The following LRRC43 variants were observed in gnomAD, a reference collection of about 807,000 sequenced individuals.
The protein encoded by LRRC43 is leucine rich repeat containing 43, also known as leucine-rich repeat-containing protein 43.
LRRC43 carries 62 observed loss-of-function variants against 64.3 expected under a neutral mutation model. That is an observed-to-expected ratio of 0.96 (90% CI 0.79 to 1.19). LRRC43 has a LOEUF of 1.19. LRRC43 is among the 50% of genes most tolerant of loss of function. The probability of loss-of-function intolerance (pLI) is 0.00; values close to 1 mark genes in which losing one functional copy is unlikely to be tolerated. For missense variants in LRRC43, 868 were observed against 845.0 expected (o/e 1.03, Z -0.34); for synonymous variants, 422 against 382.3 (o/e 1.10, Z -1.21).
At position 122,200,527 on chromosome 12, in the gene LRRC43, C is replaced by T. The variant is rs1432196959; in HGVS notation, c.1492-5C>T. 1.2e-6 allele frequency: 2 copies of T among 1,613,940 alleles called. No homozygotes were observed. Among genetic ancestry groups the T allele is most frequent in the African/African-American group, 1.3e-5 (1 of 74,908 alleles). Reference sequence around the variant, plus strand: ...GCTCACTCGAGGATTCTCTCCTGCCCCTAGATTCTCTCCTGGCCTGTGGTG... The same window carrying T: ...GCTCACTCGAGGATTCTCTCCTGCCTCTAGATTCTCTCCTGGCCTGTGGTG... On this transcript the variant is annotated splice_region_variant and splice_polypyrimidine_tract_variant and intron_variant, in intron 8 of 11. Coordinates refer to ENST00000339777, the MANE Select transcript of LRRC43 (RefSeq NM_001098519.2). The surrounding 1 kb of genome is among the most constrained non-coding windows in gnomAD (Gnocchi z 4.6).
At chr12:122,181,469 G>A (rs1953580196), upstream of LRRC43, among the ~76,000 whole-genome samples, 3 of 150,946 alleles carry the variant, frequency 2.0e-5, no homozygotes, top group South Asian at 4.2e-4. Flanking sequence ...CGTGAACCTG[G>A]CAGGCGGAGC....
intron 7 of LRRC43, among the ~76,000 whole-genome samples, 167 bp downstream of exon 7, chr12:122,193,171 G>C (rs975572806): frequency 6.6e-6 from 1 of 151,808 alleles, no homozygotes; most frequent in Non-Finnish European, 1.5e-5. Context: ...ACGAGGTCAG[G>C]AGATCGAGAC....
chr12:122,201,236 C>T, intron 10 of LRRC43, 60 bp from the exon 11 acceptor site: 1 of 1,573,296 alleles, frequency 6.4e-7, no homozygotes, highest in Non-Finnish European at 8.7e-7. Context: ...CCCAGAGACA[C>T]CCCTTCTCTA....
chr12:122,197,740 CAGA>C (rs1953786891), intron 7 of LRRC43, among the ~76,000 whole-genome samples: 2 of 151,970 alleles, frequency 1.3e-5, no homozygotes, highest in Middle Eastern at 3.4e-3. Flanking sequence ...AGTTTTCAAG[CAGA>C]GGAGTAATGA....
At chr12:122,186,382 C>T (rs1417949010) in intron 3 of LRRC43, 82 bp downstream of exon 3, 1 of 865,700 alleles carries the variant, frequency 1.2e-6, no homozygotes, top group East Asian at 2.7e-5. Context: ...CATAGTGTGG[C>T]CAGCATGGGT....
chr12:122,173,791 A>G (rs999230629), intron 1 of LRRC43: 49 of 1,540,054 alleles, frequency 3.2e-5, no homozygotes, highest in Non-Finnish European at 4.3e-5. Flanking sequence ...TTGGAGGGCA[A>G]TGGAAGGCAT....
chr12:122,201,242 C>T, intron 10 of LRRC43, 54 bp from the exon 11 acceptor site: 1 of 1,594,584 alleles, frequency 6.3e-7, no homozygotes, highest in Non-Finnish European at 8.6e-7. Context: ...GACACCCCTT[C>T]TCTAGTACCT....
chr12:122,172,709 C>T, intron 1 of LRRC43: 1 of 1,613,634 alleles, frequency 6.2e-7, no homozygotes, highest in East Asian at 2.2e-5. Flanking sequence ...GCGTGTAATT[C>T]TGGGACACGA....
At chr12:122,183,325 C>T in intron 1 of LRRC43, 31 bp downstream of exon 1, 2 of 1,427,076 alleles carry the variant, frequency 1.4e-6, no homozygotes, top group Non-Finnish European at 1.8e-6. Context: ...ACTCTGGGGG[C>T]CTGGACCGGC....
chr12:122,192,977 T>C lies in LRRC43; in HGVS notation c.1322T>C (p.Ile441Thr). 6.2e-7 allele frequency: 1 copy of C among 1,613,880 alleles called. No homozygotes were observed. The highest frequency in any genetic ancestry group is 1.7e-4 in the Middle Eastern group (1 of 6,026). Residue 441 changes from isoleucine to threonine, a missense_variant, in exon 7 of 12, where the codon ATA (isoleucine) becomes ACA (threonine). Coordinates refer to ENST00000339777, the MANE Select transcript of LRRC43 (RefSeq NM_001098519.2). ...AEELAKLRLRIDPRLCPSPGT... is the reference protein window; with the variant it reads ...AEELAKLRLRTDPRLCPSPGT... ...GAGCTGGCCAAGTTGAGGCTGCGTA[T>C]AGATCCCCGGCTCTGCCCGTCCCCA... is the stretch of plus-strand genomic sequence containing the variant.
At chr12:122,174,988 T>C (rs1328516094) in intron 1 of LRRC43, among the ~76,000 whole-genome samples, 2 of 151,310 alleles carry the variant, frequency 1.3e-5, no homozygotes, top group Non-Finnish European at 3.0e-5. Context: ...TACAGGCACG[T>C]GCCACCATGC....
chr12:122,183,128 G>A lies in LRRC43; in HGVS notation c.-17G>A. ...GCGCACGCGTCCTAGCGGTTGCCGGGCAACGCGGCCCGGGCCATGGAGGCG... is the reference window on the plus strand; with the variant it reads ...GCGCACGCGTCCTAGCGGTTGCCGGACAACGCGGCCCGGGCCATGGAGGCG... On this transcript the variant is annotated 5_prime_UTR_variant, in exon 1 of 12. Transcript: ENST00000339777. 6.5e-7 allele frequency: 1 copy of A among 1,532,494 alleles called. No individual in the cohort carries two copies. Among genetic ancestry groups the A allele is most frequent in the Non-Finnish European group, 8.7e-7 (1 of 1,145,320 alleles). 94.9% of individuals were successfully genotyped at this position (1,532,494 alleles called of 1,614,324 possible). A position where few individuals can be genotyped will look rare whatever the true frequency, so the allele number is the denominator to read the frequency against.
intron 4 of LRRC43, among the ~76,000 whole-genome samples, chr12:122,189,165 C>T (rs1382392749): frequency 6.6e-6 from 1 of 152,142 alleles, no homozygotes; most frequent in Non-Finnish European, 1.5e-5. Context: ...CAGAAAAAGC[C>T]ATCAAAGGAA....
At chr12:122,193,118 C>A (rs554798961) in intron 7 of LRRC43, 114 bp downstream of exon 7, 2 of 1,109,076 alleles carry the variant, frequency 1.8e-6, no homozygotes, top group Admixed American at 5.1e-5. Context: ...CGGTGGCTCA[C>A]GTCTGTAATC....
chr12:122,178,566 C>G (rs1953556231), upstream of LRRC43, among the ~76,000 whole-genome samples: 1 of 143,210 alleles, frequency 7.0e-6, no homozygotes. Flanking sequence ...AGGAAAAATA[C>G]GTAAGAGGTG....
chr12:122,178,944 G>A (rs1017854940), upstream of LRRC43, among the ~76,000 whole-genome samples: 1 of 152,016 alleles, frequency 6.6e-6, no homozygotes, highest in Non-Finnish European at 1.5e-5. Context: ...TGGTGGAGAG[G>A]GAAGAGTTGA....
chr12:122,184,095 AT>A lies in LRRC43; in HGVS notation c.151-407del, dbSNP rs35033444. Among the ~76,000 whole-genome samples, 69,732 of 137,528 alleles carry A rather than the reference AT, an allele frequency of 0.51. 17,484 individuals carry two copies. The highest frequency in any genetic ancestry group is 0.66 in the East Asian group (2,982 of 4,540). The allele number at this position is 137,528 out of a possible 152,430, so 90.2% of individuals were successfully genotyped here. On this transcript the variant is annotated intron_variant, in intron 1 of 11. Transcript: ENST00000339777. The surrounding 1 kb of genome is among the most constrained non-coding windows in gnomAD (Gnocchi z 4.0). ...AAATTATTGATTATTCACTGTCTAG[AT>A]TTTTTTTTTTTTTTTTGAGACGGAG...
At chr12:122,174,902 G>T (rs965043628) in intron 1 of LRRC43, among the ~76,000 whole-genome samples, 1 of 150,534 alleles carries the variant, frequency 6.6e-6, no homozygotes, top group Non-Finnish European at 1.5e-5. Flanking sequence ...GTGCGGTGGC[G>T]TGATCACTGC....
intron 1 of LRRC43, chr12:122,172,647 G>T: frequency 6.2e-7 from 1 of 1,614,100 alleles, no homozygotes; most frequent in South Asian, 1.1e-5. Flanking sequence ...TGCCCGGATG[G>T]CTGGGCTGTG....
Sources: gnomAD v4.1 joint callset for allele counts (sites outside exome capture counted in the v4.1 genomes callset) on GRCh38, gnomAD v4.1.1 for gene constraint, Gnocchi (gnomAD v3.1) non-coding constraint, MANE v1.5 for transcripts, NCBI Gene and HGNC (gene_info 2026-07-23, HGNC 2026-07-21) for gene names.